Variants in UGT2A1 observed in about 807,000 individuals in gnomAD.
UGT2A1 encodes UDP glucuronosyltransferase family 2 member A1 complex locus.
A neutral mutation model predicts 45.4 loss-of-function variants in UGT2A1; 61 were observed. The observed-to-expected ratio is 1.34, with a 90% CI of 1.09 to 1.66. The LOEUF (loss-of-function observed/expected upper bound fraction) is 1.66. Among genes scored for constraint, UGT2A1 ranks in the 40% most tolerant of loss-of-function variants. UGT2A1 has a pLI of 0.00. For missense variants in UGT2A1, 649 were observed against 574.3 expected, an observed-to-expected ratio of 1.13 and a Z score of -1.33; for synonymous variants, 229 against 196.2, an observed-to-expected ratio of 1.17 and a Z score of -1.40.
chr4:69,597,319 G>A (rs1157688693), intron 4 of UGT2A1, among the ~76,000 whole-genome samples: 1 of 152,132 alleles, frequency 6.6e-6, no homozygotes, highest in Non-Finnish European at 1.5e-5. Context: ...AAGCTGCCAT[G>A]AGTGTGATGT....
Position 69,594,506 on chromosome 4 carries a change from G to T in UGT2A1, c.1275C>A (p.Ser425Arg), listed in dbSNP as rs370581731. The T allele has an allele frequency of 1.3e-5, 21 of 1,613,972 alleles. No individual in the cohort carries two copies. Among genetic ancestry groups the T allele is most frequent in the Non-Finnish European group, 1.8e-5 (21 of 1,180,004 alleles). Residue 425 changes from serine (S) to arginine (R), a missense_variant, in exon 6 of 7, where the codon AGC (serine) becomes AGA (arginine). Coordinates refer to ENST00000286604, the MANE Select transcript of UGT2A1 (RefSeq NM_001252275.3). The stretch of plus-strand genomic sequence containing the variant: ...GTTCATTAATGACTGTTCTCAAAGC[G>T]CTAAGCAAATCCACACTTGTCATTG... ...LNTMTSVDLL[S>R]ALRTVINEPS...
At chr4:69,592,387 A>G (rs1393733435) in intron 6 of UGT2A1, among the ~76,000 whole-genome samples, 1 of 152,200 alleles carries the variant, frequency 6.6e-6, no homozygotes, top group Non-Finnish European at 1.5e-5. Flanking sequence ...ACATATTGAA[A>G]AATAAATGAG....
Position 69,603,937 on chromosome 4 carries a change from C to A in UGT2A1, c.848-4543G>T, listed in dbSNP as rs1286256442. Among the ~76,000 whole-genome samples, 2 of 136,550 alleles carry A rather than the reference C, an allele frequency of 1.5e-5. 1 individual carries two copies. The highest frequency in any genetic ancestry group is 3.1e-5 in the Non-Finnish European group (2 of 64,194). The allele number at this position is 136,550 out of a possible 152,430, so 89.6% of individuals were successfully genotyped here. On this transcript the variant is annotated intron_variant, in intron 3 of 6. Coordinates refer to ENST00000286604, the MANE Select transcript of UGT2A1 (RefSeq NM_001252275.3). ...CTATGTGAAAAGACCAAATCTACGT[C>A]TGATTGGTGTACCTGAAAGTGATGG...
At chr4:69,595,984 G>A (rs1718898711) in intron 4 of UGT2A1, among the ~76,000 whole-genome samples, 1 of 151,962 alleles carries the variant, frequency 6.6e-6, no homozygotes, top group Admixed American at 6.6e-5. Flanking sequence ...GGTCAGTAGG[G>A]GCTTAAAGTT....
rs150827191 is a variant in UGT2A1 at position 69,637,657 on chromosome 4, C to T, written c.716-1835G>A. On this transcript the variant is annotated intron_variant, in intron 2 of 6. Transcript: ENST00000286604. ...CTCACTCTAAGAACTATCTGTTCTT[C>T]TTACTTTATTATTACATAGCATATA... Among the ~76,000 whole-genome samples the T allele has an allele frequency of 8.3e-4, 127 of 152,234 alleles. No homozygotes were observed. In the East Asian group the frequency reaches 0.022, roughly 27 times the overall value.
At chr4:69,628,815 A>C (rs569534970) in intron 3 of UGT2A1, among the ~76,000 whole-genome samples, 17 of 151,106 alleles carry the variant, frequency 1.1e-4, no homozygotes, top group Admixed American at 3.3e-4. Context: ...TGAAAAAAAG[A>C]AAAAAGACCG....
intron 1 of UGT2A1, among the ~76,000 whole-genome samples, chr4:69,652,874 C>T (rs540633619): frequency 2.6e-5 from 4 of 152,206 alleles, no homozygotes; most frequent in Non-Finnish European, 5.9e-5. Context: ...AACAACTCTC[C>T]ACTGGTAGGA....
chr4:69,638,561 C>T (rs773819650), intron 2 of UGT2A1, among the ~76,000 whole-genome samples: 5 of 152,008 alleles, frequency 3.3e-5, no homozygotes, highest in African/African-American at 7.2e-5. Flanking sequence ...TGTATCACCT[C>T]GAAAATATTT....
intron 3 of UGT2A1, among the ~76,000 whole-genome samples, chr4:69,608,790 G>A (rs542998862): frequency 6.6e-6 from 1 of 151,886 alleles, no homozygotes; most frequent in Non-Finnish European, 1.5e-5. Context: ...CTGCCTCCTG[G>A]GTTCAAGCCA....
At chr4:69,614,502 C>A (rs1191605966) in intron 3 of UGT2A1, among the ~76,000 whole-genome samples, 1 of 151,626 alleles carries the variant, frequency 6.6e-6, no homozygotes. Flanking sequence ...CACAAAAGAC[C>A]AGAATAGCCA....
rs1440167369 is a variant in UGT2A1 at position 69,599,340 on chromosome 4, C to T, written c.902G>A (p.Arg301Gln). 4 of 1,613,550 alleles carry T rather than the reference C, an allele frequency of 2.5e-6. No individual in the cohort carries two copies. The highest frequency in any genetic ancestry group is 3.4e-6 in the Non-Finnish European group (4 of 1,179,900). ...AGGAAATTCAAAATCCCAATATGTT[C>T]GGATTAACCAAATTTCAGCTTTCCC... ...TMGKAEIWLI[R>Q]TYWDFEFPRP... The change falls in exon 4 of 7, where the codon CGA becomes CAA. Residue 301 changes from arginine (R) to glutamine (Q), a missense_variant. By Grantham distance (43) the Arg-to-Gln change is conservative. Coordinates refer to ENST00000286604, the MANE Select transcript of UGT2A1 (RefSeq NM_001252275.3).
intron 3 of UGT2A1, among the ~76,000 whole-genome samples, chr4:69,618,187 ATGTGTGTGTGTG>A (rs72430246): frequency 6.9e-6 from 1 of 144,358 alleles, no homozygotes; most frequent in African/African-American, 2.6e-5. Flanking sequence ...GCCAGTAAGC[ATGTGTGTGTGTG>A]TGTGTGTGTG....
At chr4:69,602,564 GGAAGA>G (rs1719359480) in intron 3 of UGT2A1, among the ~76,000 whole-genome samples, 1 of 137,008 alleles carries the variant, frequency 7.3e-6, no homozygotes. Context: ...TTCAGAATGA[GGAAGA>G]GAAGTTTTAA....
intron 2 of UGT2A1, chr4:69,639,048 G>A (rs1329214069): frequency 1.9e-6 from 3 of 1,613,250 alleles, no homozygotes; most frequent in Admixed American, 1.7e-5. Context: ...ATAGGAGACT[G>A]GTGCTGGGAT....
At chr4:69,639,644 A>T (rs1218486597) in intron 2 of UGT2A1, 2 of 1,550,102 alleles carry the variant, frequency 1.3e-6, no homozygotes, top group Admixed American at 2.2e-5. Flanking sequence ...AAACCATCCT[A>T]CTGTAGATCC....
intron 3 of UGT2A1, among the ~76,000 whole-genome samples, chr4:69,624,380 A>T (rs1720919252): frequency 6.6e-6 from 1 of 151,278 alleles, no homozygotes; most frequent in Admixed American, 6.6e-5. Flanking sequence ...GATAGCACAG[A>T]GTTTAGTCTT....
intron 3 of UGT2A1, among the ~76,000 whole-genome samples, chr4:69,614,358 A>G (rs1720246544): frequency 6.6e-6 from 1 of 152,066 alleles, no homozygotes; most frequent in African/African-American, 2.4e-5. Context: ...TGTTCATAGA[A>G]TAGAGGAATC....
At chr4:69,610,264 G>T (rs1337985301) in intron 3 of UGT2A1, among the ~76,000 whole-genome samples, 1 of 151,750 alleles carries the variant, frequency 6.6e-6, no homozygotes, top group African/African-American at 2.4e-5. Context: ...AAGTTGCATT[G>T]AATTCATTGT....
Position 69,599,396 on chromosome 4 carries a change from T to C in UGT2A1, c.848-2A>G. 1.2e-6 allele frequency: 2 copies of C among 1,612,018 alleles called. No homozygotes were observed. Among genetic ancestry groups the C allele is most frequent in the Non-Finnish European group, 1.7e-6 (2 of 1,179,502 alleles). Reference sequence around the variant, plus strand: ...TCTCACATAACGTAGTGGGTCTTCCTGGAGAAAATGTAACAAGTTGGATGG... The same window carrying C: ...TCTCACATAACGTAGTGGGTCTTCCCGGAGAAAATGTAACAAGTTGGATGG... On this transcript the variant is annotated splice_acceptor_variant, in intron 3 of 6. Transcript: ENST00000286604. LOFTEE classifies it high-confidence loss of function.
Sources: gnomAD v4.1 joint callset for allele counts (sites outside exome capture counted in the v4.1 genomes callset) on GRCh38, gnomAD v4.1.1 for gene constraint, MANE v1.5 for transcripts, NCBI Gene and HGNC (gene_info 2026-07-23, HGNC 2026-07-21) for gene names.